Variants in SLCO1B1 observed in about 807,000 individuals in gnomAD.
SLCO1B1 encodes OATP-2.
A neutral mutation model predicts 70.1 loss-of-function variants in SLCO1B1; 81 were observed. The ratio of observed to expected loss-of-function variants is 1.16; its 90% confidence interval spans 0.97 to 1.39. The LOEUF (loss-of-function observed/expected upper bound fraction) is 1.39. Among genes scored for constraint, SLCO1B1 ranks in the 40% most tolerant of loss-of-function variants. The pLI is 0.00. For synonymous variants in SLCO1B1, 283 were observed against 271.5 expected, an observed-to-expected ratio of 1.04 and a Z score of -0.42; for missense variants, 895 against 799.6, an observed-to-expected ratio of 1.12 and a Z score of -1.44.
At chr12:21,189,291 A>G (rs1940999994) in intron 7 of SLCO1B1, among the ~76,000 whole-genome samples, 1 of 152,170 alleles carries the variant, frequency 6.6e-6, no homozygotes, top group Non-Finnish European at 1.5e-5. Flanking sequence ...AATGATAGCC[A>G]TTCTACAGGT....
intron 1 of SLCO1B1, among the ~76,000 whole-genome samples, chr12:21,137,137 A>T (rs1302583984): frequency 6.6e-6 from 1 of 152,196 alleles, no homozygotes; most frequent in Non-Finnish European, 1.5e-5. Context: ...CAGTGGCTGT[A>T]GAAGAGCGGA....
chr12:21,158,879 AT>A (rs2121073759), intron 2 of SLCO1B1, among the ~76,000 whole-genome samples: 1 of 152,270 alleles, frequency 6.6e-6, no homozygotes, highest in Admixed American at 6.5e-5. Context: ...ATAGAATTTT[AT>A]TTGTCAATCA....
At chr12:21,205,846 T>A in intron 10 of SLCO1B1, 22 bp from the exon 11 acceptor site, 1 of 1,551,310 alleles carries the variant, frequency 6.4e-7, no homozygotes. Context: ...CTTTTTGATA[T>A]ATGTCTATCA....
chr12:21,168,452 T>G (rs1158910220), intron 2 of SLCO1B1, among the ~76,000 whole-genome samples: 1 of 152,230 alleles, frequency 6.6e-6, no homozygotes, highest in East Asian at 1.9e-4. Flanking sequence ...GTGATTCTAT[T>G]GTTTAGTATT....
In SLCO1B1 at chr12:21,222,372, G is replaced by GGAAAAAAAA. The variant is rs1211931540; in HGVS notation, c.1747+8_1747+9insGAAAAAAAA. 8.0e-5 allele frequency: 2 copies of GGAAAAAAAA among 24,954 alleles called. No homozygotes were observed. The highest frequency in any genetic ancestry group is 1.4e-4 in the Non-Finnish European group (2 of 14,804). 1.5% of individuals were successfully genotyped at this position (24,954 alleles called of 1,614,324 possible). ...TGGTTATACGAGCACTAGGTATGAT[G>GGAAAAAAAA]AAAAAAAAAAAAAAAAAAAAAAAAA... On this transcript the variant is annotated intron_variant, in intron 13 of 14. Transcript: ENST00000256958.
intron 1 of SLCO1B1, among the ~76,000 whole-genome samples, chr12:21,134,123 G>A (rs574692605): frequency 4.6e-5 from 7 of 152,284 alleles, no homozygotes; most frequent in Non-Finnish European, 8.8e-5. Flanking sequence ...CTGTTTATAT[G>A]CTGGATTACA....
At chr12:21,137,455 G>A (rs11045783) in intron 1 of SLCO1B1, among the ~76,000 whole-genome samples, 19,837 of 152,226 alleles carry the variant, frequency 0.13, 1,795 homozygotes, top group Middle Eastern at 0.23. Context: ...GCAGGCAGGT[G>A]TCCTTGAGCT....
At chr12:21,191,244 TTAA>T (rs1275055581) in intron 7 of SLCO1B1, among the ~76,000 whole-genome samples, 1 of 63,088 alleles carries the variant, frequency 1.6e-5, no homozygotes, top group Non-Finnish European at 4.2e-5. Context: ...ACATTTACTA[TTAA>T]TAAGTCCTTC....
chr12:21,231,401 C>G (rs1941536011), intron 14 of SLCO1B1, among the ~76,000 whole-genome samples: 1 of 136,142 alleles, frequency 7.3e-6, no homozygotes, highest in Non-Finnish European at 1.7e-5. Flanking sequence ...TATCCTCCTT[C>G]AATGCCTGGG....
intron 2 of SLCO1B1, among the ~76,000 whole-genome samples, chr12:21,164,365 T>C (rs550826490): frequency 6.6e-6 from 1 of 152,284 alleles, no homozygotes; most frequent in South Asian, 2.1e-4. Flanking sequence ...TTATCCGAAC[T>C]AGAAAACAAA....
intron 2 of SLCO1B1, among the ~76,000 whole-genome samples, chr12:21,155,806 T>G (rs1940535911): frequency 6.6e-6 from 1 of 152,140 alleles, no homozygotes; most frequent in Non-Finnish European, 1.5e-5. Flanking sequence ...TTGAGGAGAT[T>G]GTTAACTAGT....
At chr12:21,215,190 T>C (rs1222156518) in intron 11 of SLCO1B1, among the ~76,000 whole-genome samples, 1 of 152,206 alleles carries the variant, frequency 6.6e-6, no homozygotes, top group African/African-American at 2.4e-5. Context: ...TCCTGATTGA[T>C]CTGTCTAGGA....
intron 13 of SLCO1B1, 33 bp downstream of exon 13, chr12:21,222,397 AATATATATATAT>A (rs751514211): frequency 1.5e-4 from 15 of 97,742 alleles, no homozygotes; most frequent in South Asian, 1.3e-3. Context: ...AAAAAAAAAA[AATATATATATAT>A]ATATATATAT....
In SLCO1B1 at chr12:21,143,065, A is replaced by G. The variant is rs372001709; in HGVS notation, c.84+1407A>G. ...TAAAATAATATTTTCACTCACTTAA[A>G]TTGTTAACATTGATATGTTGTTGAT... On this transcript the variant is annotated intron_variant, in intron 2 of 14. Coordinates refer to ENST00000256958, the MANE Select transcript of SLCO1B1 (RefSeq NM_006446.5). Among the ~76,000 whole-genome samples the G allele has an allele frequency of 8.7e-4, 133 of 152,240 alleles. 3 individuals carry two copies. In the South Asian group the frequency reaches 0.027, roughly 31 times the overall value.
At chr12:21,219,122 A>G (rs555183472) in intron 12 of SLCO1B1, among the ~76,000 whole-genome samples, 1 of 152,320 alleles carries the variant, frequency 6.6e-6, no homozygotes, top group Admixed American at 6.5e-5. Context: ...GTAGCAGAAA[A>G]CACAGTAAAC....
Position 21,212,742 on chromosome 12 carries a change from G to A in SLCO1B1, c.1498-4377G>A, listed in dbSNP as rs572899840. ...CTCAGGACTTGCTTTATGAATCTTG[G>A]TGCTCCTGTATTGGGTGCATATATA... On this transcript the variant is annotated intron_variant, in intron 11 of 14. Coordinates refer to ENST00000256958, the MANE Select transcript of SLCO1B1 (RefSeq NM_006446.5). Among the ~76,000 whole-genome samples the A allele has an allele frequency of 6.0e-5, 8 of 134,210 alleles. No homozygotes were observed. In the South Asian group the frequency reaches 2.1e-3, roughly 36 times the overall value. The allele number at this position is 134,210 out of a possible 152,430, so 88.0% of individuals were successfully genotyped here. A position where few individuals can be genotyped will look rare whatever the true frequency, so the allele number is the denominator to read the frequency against.
rs144753373 is a variant in SLCO1B1, at chr12:21,208,727, T to A, written c.1497+2694T>A. On this transcript the variant is annotated intron_variant, in intron 11 of 14. Coordinates refer to ENST00000256958, the MANE Select transcript of SLCO1B1 (RefSeq NM_006446.5). ...AGATTGCTTTGGGCAGTATAGACAG[T>A]TTAATGATAATTTTTCTACCAATCC... 2.8e-3 allele frequency among the ~76,000 whole-genome samples: 419 copies of A among 152,228 alleles called. 2 individuals are homozygous for A. The highest frequency in any genetic ancestry group is 9.7e-3 in the African/African-American group (401 of 41,554).
rs575186795 is a variant in SLCO1B1 at position 21,137,486 on chromosome 12, C to T, written c.-61-4028C>T. ...GAGCTGTGGTGGGCTCCACCCAGTTCGAGCTTCCCAGCCGCTTTGTTTACC... is the reference window on the plus strand; with the variant it reads ...GAGCTGTGGTGGGCTCCACCCAGTTTGAGCTTCCCAGCCGCTTTGTTTACC... On this transcript the variant is annotated intron_variant, in intron 1 of 14. Transcript: ENST00000256958. Among the ~76,000 whole-genome samples, 10 of 152,298 alleles carry T rather than the reference C, an allele frequency of 6.6e-5. No homozygotes were observed. In the South Asian group the frequency reaches 1.9e-3, roughly 28 times the overall value.
chr12:21,161,880 T>C (rs1447333145), intron 2 of SLCO1B1, among the ~76,000 whole-genome samples: 1 of 152,016 alleles, frequency 6.6e-6, no homozygotes, highest in Non-Finnish European at 1.5e-5. Flanking sequence ...TGATGGCATG[T>C]GCCCATAGTC....
Sources: allele counts gnomAD v4.1 joint callset (sites outside exome capture counted in the v4.1 genomes callset), GRCh38; gene constraint gnomAD v4.1.1; transcripts MANE v1.5; gene names NCBI Gene and HGNC (gene_info 2026-07-23, HGNC 2026-07-21).